The following ROBO1 variants were observed in gnomAD, a reference collection of about 807,000 sequenced individuals.
ROBO1 encodes roundabout guidance receptor 1.
A neutral mutation model predicts 195.9 loss-of-function variants in ROBO1; 149 were observed. That is an observed-to-expected ratio of 0.76 (90% CI 0.67 to 0.87). The LOEUF (loss-of-function observed/expected upper bound fraction) is 0.87. Ranked by LOEUF, ROBO1 falls within the 40% of genes least tolerant of loss-of-function variation. ROBO1 has a pLI of 0.00. For missense variants in ROBO1, 1,933 were observed against 2,068.3 expected (o/e 0.93, Z 1.27); for synonymous variants, 816 against 733.2 (o/e 1.11, Z -1.82).
At chr3:78,662,212 G>A (rs931208923) in intron 14 of ROBO1, 98 bp from the exon 15 acceptor site, 91 of 984,224 alleles carry the variant, frequency 9.2e-5, no homozygotes, top group Middle Eastern at 7.5e-4. Context: ...GCAACTCTCA[G>A]TAAAGAAGAG....
intron 1 of ROBO1, among the ~76,000 whole-genome samples, chr3:79,753,977 G>A (rs1007433795): frequency 6.6e-6 from 1 of 152,142 alleles, no homozygotes; most frequent in Non-Finnish European, 1.5e-5. Flanking sequence ...TGAAGAACAG[G>A]AGACAGCCAA....
intron 4 of ROBO1, among the ~76,000 whole-genome samples, chr3:78,849,965 C>A (rs2106850118): frequency 6.6e-6 from 1 of 151,988 alleles, no homozygotes; most frequent in Non-Finnish European, 1.5e-5. Flanking sequence ...GTTTACTATA[C>A]CTTTTCTGTG....
chr3:79,517,208 C>T (rs999692457), intron 2 of ROBO1, among the ~76,000 whole-genome samples: 1 of 152,184 alleles, frequency 6.6e-6, no homozygotes, highest in African/African-American at 2.4e-5. Context: ...CATCCTGTCA[C>T]TCCTGGGTTC....
At chr3:79,238,408 G>A (rs557850073) in intron 2 of ROBO1, among the ~76,000 whole-genome samples, 1 of 152,156 alleles carries the variant, frequency 6.6e-6, no homozygotes, top group African/African-American at 2.4e-5. Context: ...CCAAAATAAT[G>A]TTTCTAAAGT....
At position 78,617,950 on chromosome 3, in the gene ROBO1, C is replaced by T; in HGVS notation, c.3967G>A (p.Asp1323Asn). 6.2e-7 allele frequency: 1 copy of T among 1,613,958 alleles called. No individual in the cohort carries two copies. Among genetic ancestry groups the T allele is most frequent in the Non-Finnish European group, 8.5e-7 (1 of 1,179,886 alleles). The stretch of plus-strand genomic sequence containing the variant: ...TCTTCCTCTTCTGGCGCATCCGTAT[C>T]CATATCTGAGACCAGGGGTCCTGAA... ...YISGPLVSDMDTDAPEEEEDE... is the reference protein window; with the variant it reads ...YISGPLVSDMNTDAPEEEEDE... The change falls in exon 27 of 31, where the codon GAT becomes AAT. Residue 1323 changes from aspartate (D) to asparagine (N), a missense_variant. Transcript: ENST00000464233.
intron 23 of ROBO1, chr3:78,634,587 C>A: frequency 7.5e-6 from 2 of 266,928 alleles, no homozygotes; most frequent in South Asian, 3.3e-5. Flanking sequence ...AATATTTGTG[C>A]GGAGGCTCTC....
In ROBO1 at chr3:79,447,393, T is replaced by C. The variant is rs576329381; in HGVS notation, c.88+142431A>G. 3.3e-5 allele frequency among the ~76,000 whole-genome samples: 5 copies of C among 152,236 alleles called. No individual in the cohort carries two copies. In the South Asian group the frequency reaches 1.0e-3, roughly 32 times the overall value. On this transcript the variant is annotated intron_variant, in intron 2 of 30. Coordinates refer to ENST00000464233, the MANE Select transcript of ROBO1 (RefSeq NM_002941.4). ...AAGCAAAGAATTTTTACAAAACAAA[T>C]GTCCGAAAATGGAATGGATCATGAG...
intron 2 of ROBO1, among the ~76,000 whole-genome samples, chr3:79,580,589 G>T (rs1943629215): frequency 6.6e-6 from 1 of 151,776 alleles, no homozygotes; most frequent in Non-Finnish European, 1.5e-5. Context: ...CTTTATATCA[G>T]CTTGTGTATA....
At chr3:79,264,715 G>C (rs2108951740) in intron 2 of ROBO1, among the ~76,000 whole-genome samples, 1 of 152,004 alleles carries the variant, frequency 6.6e-6, no homozygotes, top group Non-Finnish European at 1.5e-5. Context: ...TCTGGTCAAA[G>C]TTTTCTGAAT....
intron 4 of ROBO1, among the ~76,000 whole-genome samples, chr3:78,827,092 T>C (rs1383554838): frequency 2.0e-5 from 3 of 152,156 alleles, no homozygotes; most frequent in Non-Finnish European, 4.4e-5. Flanking sequence ...AAATCTAAAA[T>C]AGACATGTAG....
Position 78,631,174 on chromosome 3 carries a change from A to T in ROBO1, c.3613T>A (p.Ser1205Thr). ...TGCTCCTCTTACCTTTCATCTACAG[A>T]AATGTTGTACTCTTCGCTATTGCTG... Reference protein sequence around the residue: ...PHSNSEEYNISVDESYDQEMP... With the variant: ...PHSNSEEYNITVDESYDQEMP... The change falls in exon 25 of 31, where the codon TCT becomes ACT. Residue 1205 changes from serine (S) to threonine (T), a missense_variant. By Grantham distance (58) the Ser-to-Thr change is moderately conservative. Around this residue, in one of 3 missense-constraint regions of ROBO1, gnomAD observed 1,737 missense variants for 1,882.5 expected, o/e 0.92. Coordinates refer to ENST00000464233, the MANE Select transcript of ROBO1 (RefSeq NM_002941.4). 1 of 1,611,734 alleles carries T rather than the reference A, an allele frequency of 6.2e-7. No homozygotes were observed. The highest frequency in any genetic ancestry group is 8.5e-7 in the Non-Finnish European group (1 of 1,178,832).
At chr3:79,575,510 AAATATATATAAATATATATAAC>A (rs1943454632) in intron 2 of ROBO1, among the ~76,000 whole-genome samples, 1 of 122,068 alleles carries the variant, frequency 8.2e-6, no homozygotes, top group African/African-American at 2.9e-5. Context: ...TATATATAAC[AAATATATATAAATATATATAAC>A]AAATATATAT....
intron 1 of ROBO1, among the ~76,000 whole-genome samples, chr3:79,593,958 A>AT (rs1944085038): frequency 6.6e-6 from 1 of 151,872 alleles, no homozygotes; most frequent in African/African-American, 2.4e-5. Flanking sequence ...GAATAACAGT[A>AT]TTTTATCAGA....
intron 2 of ROBO1, among the ~76,000 whole-genome samples, chr3:79,499,677 G>A (rs1477290909): frequency 6.6e-6 from 1 of 152,112 alleles, no homozygotes; most frequent in East Asian, 1.9e-4. Context: ...ATTGTGTTAT[G>A]GTAATGTGAG....
intron 1 of ROBO1, among the ~76,000 whole-genome samples, chr3:79,737,128 C>A (rs1246162408): frequency 3.9e-5 from 6 of 152,130 alleles, no homozygotes; most frequent in Non-Finnish European, 8.8e-5. Flanking sequence ...AGCTCACTCT[C>A]TGCTGGGAGA....
chr3:78,998,354 T>C (rs1398262087), intron 3 of ROBO1, among the ~76,000 whole-genome samples: 2 of 152,150 alleles, frequency 1.3e-5, no homozygotes, highest in Admixed American at 6.6e-5. Context: ...TTTCAGGCCA[T>C]GTTCTGTGTC....
intron 2 of ROBO1, among the ~76,000 whole-genome samples, chr3:79,448,407 T>C (rs754152323): frequency 6.6e-6 from 1 of 152,230 alleles, no homozygotes; most frequent in Non-Finnish European, 1.5e-5. Context: ...GTCTTTTTGG[T>C]AATTCTATTC....
intron 1 of ROBO1, among the ~76,000 whole-genome samples, chr3:79,622,718 G>A (rs1171761882): frequency 4.6e-5 from 7 of 152,326 alleles, no homozygotes; most frequent in South Asian, 4.1e-4. Context: ...AGAGGTGGCC[G>A]CAGACATAGC....
intron 3 of ROBO1, among the ~76,000 whole-genome samples, chr3:79,061,249 C>T (rs994955319): frequency 5.3e-5 from 8 of 152,126 alleles, no homozygotes; most frequent in Admixed American, 4.6e-4. Context: ...CTCCCATGCA[C>T]AATTACTACA....
Sources: gnomAD v4.1 joint callset for allele counts (sites outside exome capture counted in the v4.1 genomes callset) on GRCh38, gnomAD v4.1.1 for gene constraint, gnomAD v4.1.1 regional missense constraint, MANE v1.5 for transcripts, NCBI Gene and HGNC (gene_info 2026-07-23, HGNC 2026-07-21) for gene names.